Variants in NDUFA10 observed in about 807,000 individuals in gnomAD.
NDUFA10 encodes the protein NADH dehydrogenase [ubiquinone] 1 alpha subcomplex subunit 10, mitochondrial.
Under a neutral mutation model 47.8 loss-of-function variants are expected in NDUFA10, and 40 were observed. The ratio of observed to expected loss-of-function variants is 0.84; its 90% CI spans 0.65 to 1.09. NDUFA10 has a LOEUF of 1.09. Among genes scored for constraint, NDUFA10 ranks in the 50% least tolerant of loss-of-function variants. The probability of loss-of-function intolerance (pLI) is 0.00; values close to 1 mark genes in which losing one functional copy is unlikely to be tolerated. For missense variants in NDUFA10, 413 were observed against 451.1 expected (o/e 0.92, Z 0.76); for synonymous variants, 183 against 172.2 (o/e 1.06, Z -0.49).
intron 4 of NDUFA10, among the ~76,000 whole-genome samples, chr2:239,944,109 A>C (rs1442797073): frequency 1.3e-5 from 2 of 152,104 alleles, no homozygotes; most frequent in Middle Eastern, 3.2e-3. Context: ...CGGTGCCCGC[A>C]AAATGAGCCA....
chr2:239,902,971 C>T (rs111839385), intron 4 of NDUFA10, among the ~76,000 whole-genome samples: 11 of 152,212 alleles, frequency 7.2e-5, no homozygotes, highest in African/African-American at 2.7e-4. Flanking sequence ...TTGGCCATTG[C>T]ACTCAATCTA....
At chr2:239,911,180 T>A (rs28519523) in intron 4 of NDUFA10, among the ~76,000 whole-genome samples, 1 of 152,086 alleles carries the variant, frequency 6.6e-6, no homozygotes, top group African/African-American at 2.4e-5. Context: ...GCAACACCAC[T>A]TACTACTGTC....
At chr2:239,950,501 G>A (rs1304290119) in intron 4 of NDUFA10, among the ~76,000 whole-genome samples, 1 of 152,242 alleles carries the variant, frequency 6.6e-6, no homozygotes, top group Non-Finnish European at 1.5e-5. Flanking sequence ...CATCTGAAGT[G>A]TAGATGTAAA....
At chr2:239,948,665 A>G (rs1049035504) in intron 4 of NDUFA10, among the ~76,000 whole-genome samples, 2 of 152,226 alleles carry the variant, frequency 1.3e-5, no homozygotes, top group African/African-American at 4.8e-5. Context: ...TACAAGGACA[A>G]ACTAGGGATT....
At position 239,914,563 on chromosome 2, in the gene NDUFA10, TACAC is replaced by T. The variant is rs145066368; in HGVS notation, c.295-19253_295-19250del. ...ACACACAAATATACAGACACAGAGATACACACACACACAGAGAACACATACATAC... is the reference window on the plus strand; with the variant it reads ...ACACACAAATATACAGACACAGAGATACACACACAGAGAACACATACATAC... On this transcript the variant is annotated intron_variant, in intron 4 of 5. Transcript: ENST00000419408. Among the ~76,000 whole-genome samples, 40 of 100,170 alleles carry T rather than the reference TACAC, an allele frequency of 4.0e-4. 1 individual carries two copies. Among genetic ancestry groups the T allele is most frequent in the South Asian group, 1.5e-3 (5 of 3,316 alleles). 65.7% of individuals were successfully genotyped at this position (100,170 alleles called of 152,430 possible). A position where few individuals can be genotyped will look rare whatever the true frequency, so the allele number is the denominator to read the frequency against.
chr2:239,931,859 G>A (rs1341487702), intron 4 of NDUFA10, among the ~76,000 whole-genome samples: 1 of 79,808 alleles, frequency 1.3e-5, no homozygotes, highest in East Asian at 3.4e-4. Flanking sequence ...TTTTTGAGAC[G>A]GAGTCTCGCT....
At chr2:239,970,576 G>A (rs1285643842) in intron 9 of NDUFA10, among the ~76,000 whole-genome samples, 1 of 152,234 alleles carries the variant, frequency 6.6e-6, no homozygotes, top group Non-Finnish European at 1.5e-5. Context: ...ACAGTCCATT[G>A]TGTGGTTTCT....
chr2:239,956,006 G>C (rs915874702), downstream of NDUFA10, among the ~76,000 whole-genome samples: 1 of 152,162 alleles, frequency 6.6e-6, no homozygotes, highest in Admixed American at 6.5e-5. Context: ...ACCCAGGAAA[G>C]GGACAGGAAA....
intron 4 of NDUFA10, among the ~76,000 whole-genome samples, chr2:239,898,064 G>A (rs970713314): frequency 6.6e-6 from 1 of 152,132 alleles, no homozygotes; most frequent in Admixed American, 6.5e-5. Flanking sequence ...GTGAGAAAAC[G>A]GAACTGCAGG....
At chr2:240,018,715 G>C (rs902479331) in intron 3 of NDUFA10, 76 bp from the exon 4 acceptor site, 6 of 1,389,784 alleles carry the variant, frequency 4.3e-6, no homozygotes, top group Admixed American at 3.7e-5. Flanking sequence ...CTGCATTCCA[G>C]AGAAAAGAAA....
At chr2:240,010,330 G>A (rs77403012) in intron 6 of NDUFA10, among the ~76,000 whole-genome samples, 261 of 152,302 alleles carry the variant, frequency 1.7e-3, no homozygotes, top group African/African-American at 5.9e-3. Flanking sequence ...ACGAGTCTAT[G>A]AGGGCGGCAA....
intron 4 of NDUFA10, among the ~76,000 whole-genome samples, chr2:239,900,908 T>C (rs1693532319): frequency 6.6e-6 from 1 of 152,226 alleles, no homozygotes; most frequent in Non-Finnish European, 1.5e-5. Flanking sequence ...CAAGGTGAAG[T>C]AGCAAGTGCT....
At chr2:239,982,311 T>C in intron 9 of NDUFA10, 1 of 1,542,682 alleles carries the variant, frequency 6.5e-7, no homozygotes, top group Non-Finnish European at 8.8e-7. Context: ...GCAATTTTCA[T>C]AAAGCAAAAC....
intron 8 of NDUFA10, among the ~76,000 whole-genome samples, chr2:239,999,029 G>A (rs1352957075): frequency 1.3e-5 from 2 of 152,182 alleles, no homozygotes; most frequent in African/African-American, 2.4e-5. Flanking sequence ...CTGAGCTGCT[G>A]GCAGAGGGGA....
intron 4 of NDUFA10, among the ~76,000 whole-genome samples, chr2:239,930,627 C>T (rs1694151000): frequency 6.6e-6 from 1 of 152,044 alleles, no homozygotes; most frequent in Admixed American, 6.5e-5. Flanking sequence ...TGGTGAGCAC[C>T]AGGAAGGAAA....
chr2:240,001,412 C>T (rs965045440), intron 8 of NDUFA10, among the ~76,000 whole-genome samples: 1 of 152,164 alleles, frequency 6.6e-6, no homozygotes, highest in Non-Finnish European at 1.5e-5. Context: ...GATATATACA[C>T]ATGGTTCTGA....
intron 5 of NDUFA10, among the ~76,000 whole-genome samples, chr2:239,893,720 TAA>T (rs553014480): frequency 5.4e-4 from 82 of 152,300 alleles, no homozygotes; most frequent in African/African-American, 1.8e-3. Context: ...CATTGGGGGT[TAA>T]GTTTCAACAC....
At chr2:240,013,718 T>C (rs1439888972) in intron 5 of NDUFA10, 1 of 152,148 alleles carries the variant, frequency 6.6e-6, no homozygotes, top group Non-Finnish European at 1.5e-5. Context: ...AACCAGAGCT[T>C]TACTGTTGCC....
chr2:239,935,208 G>A (rs1694243351), intron 4 of NDUFA10, among the ~76,000 whole-genome samples: 1 of 152,204 alleles, frequency 6.6e-6, no homozygotes, highest in African/African-American at 2.4e-5. Context: ...GCAAGTATTG[G>A]AAGGCCCTCG....
Sources: gnomAD v4.1 joint callset for allele counts (sites outside exome capture counted in the v4.1 genomes callset) on GRCh38, gnomAD v4.1.1 for gene constraint, MANE v1.5 for transcripts, NCBI Gene and HGNC (gene_info 2026-07-23, HGNC 2026-07-21) for gene names.